NDST3: variants seen among roughly 807,000 people sequenced by gnomAD.
NDST3 encodes N-deacetylase and N-sulfotransferase 3, also known as bifunctional heparan sulfate N-deacetylase/N-sulfotransferase 3.
Under a neutral mutation model 96.1 loss-of-function variants are expected in NDST3, and 58 were observed. That is an observed-to-expected ratio of 0.60 (90% CI 0.49 to 0.75). NDST3 has a LOEUF of 0.75. Ranked by LOEUF, NDST3 falls within the 30% of genes least tolerant of loss-of-function variation. The probability of loss-of-function intolerance (pLI) is 0.00; values close to 1 mark genes in which losing one functional copy is unlikely to be tolerated. For missense variants in NDST3, 788 were observed against 1,034.2 expected, an observed-to-expected ratio of 0.76 and a Z score of 3.27; for synonymous variants, 333 against 359.7, an observed-to-expected ratio of 0.93 and a Z score of 0.84.
At chr4:118,183,397 A>G (rs1387566988) in intron 6 of NDST3, among the ~76,000 whole-genome samples, 1 of 152,284 alleles carries the variant, frequency 6.6e-6, no homozygotes, top group South Asian at 2.1e-4. Flanking sequence ...TGGTGATATC[A>G]TTTGATTCAA....
intron 8 of NDST3, among the ~76,000 whole-genome samples, chr4:118,227,770 C>T (rs1297572509): frequency 2.0e-5 from 3 of 152,070 alleles, no homozygotes; most frequent in Non-Finnish European, 4.4e-5. Flanking sequence ...TGCCACCATG[C>T]CCGGCTAATT....
At position 118,105,068 on chromosome 4, in the gene NDST3, A is replaced by G. The variant is rs1288351680; in HGVS notation, c.1032A>G (p.Thr344=). The change falls in exon 3 of 14, where the codon ACA becomes ACG. Residue 344 remains threonine, a synonymous_variant. Coordinates refer to ENST00000296499, the MANE Select transcript of NDST3 (RefSeq NM_004784.3). ...TGCGTGCACAAATCACAAATTTTAC[A>G]TTCAACCTGGGATTTTCAGGGAAAT... ...NLLRAQITNF[T]FNLGFSGKFY... is the part of the protein sequence containing the mutation. 1.1e-5 allele frequency: 17 copies of G among 1,613,540 alleles called. No homozygotes were observed. The highest frequency in any genetic ancestry group is 1.4e-5 in the Non-Finnish European group (17 of 1,179,656).
intron 7 of NDST3, 125 bp from the exon 8 acceptor site, chr4:118,226,761 A>G: frequency 1.5e-6 from 1 of 659,268 alleles, no homozygotes; most frequent in Non-Finnish European, 2.6e-6. Context: ...TCATTTTTTT[A>G]AAAGAGTCTA....
Position 118,233,149 on chromosome 4 carries a change from T to C in NDST3, c.1943+14T>C, listed in dbSNP as rs745501871. The C allele has an allele frequency of 1.9e-6, 3 of 1,604,552 alleles. No individual in the cohort carries two copies. Among genetic ancestry groups the C allele is most frequent in the African/African-American group, 2.7e-5 (2 of 74,694 alleles). Reference sequence around the variant, plus strand: ...GGGGATTGATTGGTAAGATGGGTTATTAGTATAAATCTAAAAGTATATGTA... The same window carrying C: ...GGGGATTGATTGGTAAGATGGGTTACTAGTATAAATCTAAAAGTATATGTA... On this transcript the variant is annotated intron_variant, in intron 9 of 13. Transcript: ENST00000296499.
rs369318804 is a variant in NDST3 at position 118,066,432 on chromosome 4, C to T, written c.981+11541C>T. On this transcript the variant is annotated intron_variant, in intron 2 of 13. Transcript: ENST00000296499. Reference sequence around the variant, plus strand: ...ATATCATATGTTATATATTATATATCATATATCATATGTTATATATTATAT... The same window carrying T: ...ATATCATATGTTATATATTATATATTATATATCATATGTTATATATTATAT... 3.3e-3 allele frequency among the ~76,000 whole-genome samples: 14 copies of T among 4,218 alleles called. 6 individuals carry two copies. In the Non-Finnish European group the frequency reaches 0.082, roughly 25 times the overall value. 2.8% of individuals were successfully genotyped at this position (4,218 alleles called of 152,430 possible).
chr4:118,200,517 G>A lies in NDST3; in HGVS notation c.1540-23974G>A, dbSNP rs552214018. ...AAACCAAGTCCTGAAATCAGGTACC[G>A]TGAGAGCCTACTTGGTTTTCTACCC... On this transcript the variant is annotated intron_variant, in intron 6 of 13. Coordinates refer to ENST00000296499, the MANE Select transcript of NDST3 (RefSeq NM_004784.3). Among the ~76,000 whole-genome samples the A allele has an allele frequency of 5.3e-5, 8 of 152,152 alleles. No homozygotes were observed. In the East Asian group the frequency reaches 7.7e-4, roughly 15 times the overall value.
At chr4:118,239,270 G>A (rs1474418437) in intron 10 of NDST3, among the ~76,000 whole-genome samples, 1 of 152,174 alleles carries the variant, frequency 6.6e-6, no homozygotes, top group Non-Finnish European at 1.5e-5. Context: ...AGTTTTTGAA[G>A]TTCACAAGAG....
chr4:118,108,421 T>G (rs192142199), intron 3 of NDST3, among the ~76,000 whole-genome samples: 84 of 152,346 alleles, frequency 5.5e-4, no homozygotes, highest in African/African-American at 2.0e-3. Context: ...TTTATCAGTT[T>G]TCTACAATTG....
chr4:118,111,971 C>T (rs550363510), intron 3 of NDST3, among the ~76,000 whole-genome samples: 6 of 152,016 alleles, frequency 3.9e-5, no homozygotes, highest in East Asian at 3.9e-4. Flanking sequence ...CCACCATGCC[C>T]GGCCCATAAT....
chr4:118,070,320 G>A (rs1294704566), intron 2 of NDST3, among the ~76,000 whole-genome samples: 1 of 152,040 alleles, frequency 6.6e-6, no homozygotes, highest in African/African-American at 2.4e-5. Context: ...CTGCTTCTGA[G>A]AATTAGGATT....
chr4:118,211,175 G>T (rs1270889813), intron 6 of NDST3, among the ~76,000 whole-genome samples: 2 of 152,100 alleles, frequency 1.3e-5, no homozygotes, highest in Non-Finnish European at 2.9e-5. Flanking sequence ...TGAACCAAAA[G>T]ATTTAAACTA....
At chr4:118,231,860 C>T (rs1024197088) in intron 8 of NDST3, among the ~76,000 whole-genome samples, 1 of 152,208 alleles carries the variant, frequency 6.6e-6, no homozygotes, top group African/African-American at 2.4e-5. Context: ...GACTAAGCTA[C>T]ACCCTTTATC....
chr4:118,216,525 T>C (rs568706864), intron 6 of NDST3, among the ~76,000 whole-genome samples: 10 of 152,200 alleles, frequency 6.6e-5, no homozygotes, highest in African/African-American at 2.4e-4. Flanking sequence ...TTTAAACAAG[T>C]AAATTAAAGT....
chr4:118,105,554 C>T (rs7671359), intron 3 of NDST3, among the ~76,000 whole-genome samples: 114,511 of 152,054 alleles, frequency 0.75, 45,762 homozygotes, highest in South Asian at 0.92. Context: ...AGGAATCATA[C>T]AGTAAAGATT....
chr4:118,154,685 G>A, intron 6 of NDST3, among the ~76,000 whole-genome samples: 1 of 152,118 alleles, frequency 6.6e-6, no homozygotes, highest in East Asian at 1.9e-4. Context: ...AATTTTTGAT[G>A]GAGAACTAGA....
At chr4:118,251,423 T>G (rs796097493) in intron 12 of NDST3, among the ~76,000 whole-genome samples, 34 of 152,272 alleles carry the variant, frequency 2.2e-4, no homozygotes, top group African/African-American at 7.5e-4. Context: ...CAGCTTAAAT[T>G]TTTATAGTTT....
At chr4:118,127,286 A>G (rs908360926) in intron 4 of NDST3, among the ~76,000 whole-genome samples, 1 of 151,856 alleles carries the variant, frequency 6.6e-6, no homozygotes, top group Admixed American at 6.6e-5. Flanking sequence ...TGTCTTGGAG[A>G]GTTTCCCCCA....
chr4:118,224,874 TGGAAATTATGGGATTC>T, intron 7 of NDST3, among the ~76,000 whole-genome samples: 1 of 152,146 alleles, frequency 6.6e-6, no homozygotes, highest in Non-Finnish European at 1.5e-5. Flanking sequence ...CCTTGCACAT[TGGAAATTATGGGATTC>T]GGAAAGTTCA....
rs74747528 is a variant in NDST3 at position 118,058,644 on chromosome 4, C to T, written c.981+3753C>T. ...GTGTGTGTGTGTGTGTGCGCGCGCG[C>T]GCACGCATGCATGCAAACGTGTTCC... On this transcript the variant is annotated intron_variant, in intron 2 of 13. Transcript: ENST00000296499. Among the ~76,000 whole-genome samples, 252 of 16,268 alleles carry T rather than the reference C, an allele frequency of 0.015. No individual in the cohort carries two copies. The Middle Eastern group carries it at 0.17, about 11-fold the overall frequency. The allele number at this position is 16,268 out of a possible 152,430, so 10.7% of individuals were successfully genotyped here. A position where few individuals can be genotyped will look rare whatever the true frequency, so the allele number is the denominator to read the frequency against.
Sources: allele counts gnomAD v4.1 joint callset (sites outside exome capture counted in the v4.1 genomes callset), GRCh38; gene constraint gnomAD v4.1.1; transcripts MANE v1.5; gene names NCBI Gene and HGNC (gene_info 2026-07-23, HGNC 2026-07-21).